Variants in DRD3 observed in about 807,000 individuals in gnomAD.
DRD3 encodes dopamine receptor D3.
In DRD3, 19 loss-of-function variants were observed where a neutral mutation model predicts 36.3. That is an observed-to-expected ratio of 0.52 (90% CI 0.36 to 0.77). The LOEUF (loss-of-function observed/expected upper bound fraction) is 0.77, where lower values mean the gene tolerates loss of function less well. Among genes scored for constraint, DRD3 ranks in the 30% least tolerant of loss-of-function variants. The pLI is 0.00. For missense variants in DRD3, 465 were observed against 505.3 expected (o/e 0.92, Z 0.77); for synonymous variants, 195 against 203.7 (o/e 0.96, Z 0.36).
intron 1 of DRD3, chr3:114,175,778 TG>T (rs1329935805): frequency 1.3e-5 from 2 of 152,238 alleles, no homozygotes; most frequent in Non-Finnish European, 2.9e-5. Context: ...TTTAGGTAGC[TG>T]TCAAACCTCT....
At position 114,128,656 on chromosome 3, in the gene DRD3, A is replaced by C. The variant is rs1379003267; in HGVS notation, c.*60T>G. 6.7e-7 allele frequency: 1 copy of C among 1,489,904 alleles called. No individual in the cohort carries two copies. The highest frequency in any genetic ancestry group is 2.3e-5 in the East Asian group (1 of 43,038). 92.3% of individuals were successfully genotyped at this position (1,489,904 alleles called of 1,614,324 possible). ...CGGAGGACACTGCACAGTCTTTCTG[A>C]GTGGGCCAACAGCCTGGCAGCTAGA... On this transcript the variant is annotated 3_prime_UTR_variant, in exon 7 of 7. Coordinates refer to ENST00000383673, the MANE Select transcript of DRD3 (RefSeq NM_000796.6).
At chr3:114,154,932 G>A (rs1226989530) in intron 3 of DRD3, among the ~76,000 whole-genome samples, 2 of 152,144 alleles carry the variant, frequency 1.3e-5, no homozygotes, top group Non-Finnish European at 2.9e-5. Flanking sequence ...CTTGTGCTCC[G>A]AGGACTTCCC....
chr3:114,139,480 A>T lies in DRD3; in HGVS notation c.723+20T>A. On this transcript the variant is annotated intron_variant, in intron 5 of 6. Coordinates refer to ENST00000383673, the MANE Select transcript of DRD3 (RefSeq NM_000796.6). ...GGAGATTGGGTGTTGTCTTCCCTCT[A>T]CCCCCTCCAGGGTACTTACTTGCTG... 1 of 1,606,180 alleles carries T rather than the reference A, an allele frequency of 6.2e-7. No individual in the cohort carries two copies. The highest frequency in any genetic ancestry group is 8.5e-7 in the Non-Finnish European group (1 of 1,175,678).
At chr3:114,132,749 A>T (rs2077442007) in intron 5 of DRD3, among the ~76,000 whole-genome samples, 1 of 152,058 alleles carries the variant, frequency 6.6e-6, no homozygotes, top group Non-Finnish European at 1.5e-5. Context: ...AGTGTGGGAA[A>T]CTCCACAAGA....
chr3:114,156,385 C>T (rs370924023), intron 3 of DRD3, among the ~76,000 whole-genome samples: 3 of 152,146 alleles, frequency 2.0e-5, no homozygotes, highest in African/African-American at 7.2e-5. Flanking sequence ...CAGCATCTTT[C>T]TCCTGGAATC....
chr3:114,158,679 T>A (rs1337897139), intron 3 of DRD3, among the ~76,000 whole-genome samples: 2 of 152,182 alleles, frequency 1.3e-5, no homozygotes, highest in East Asian at 3.9e-4. Flanking sequence ...CCTAAGATAA[T>A]ACATAAGATA....
chr3:114,194,016 A>C (rs1163201075), intron 1 of DRD3, among the ~76,000 whole-genome samples: 1 of 152,186 alleles, frequency 6.6e-6, no homozygotes, highest in Admixed American at 6.5e-5. Context: ...ATAAATTCAC[A>C]TCTGTCTGAT....
Position 114,178,709 on chromosome 3 carries a change from C to T in DRD3, c.-88G>A, listed in dbSNP as rs2077925211. The T allele has an allele frequency of 6.6e-6, 1 of 152,158 alleles. No homozygotes were observed. Among genetic ancestry groups the T allele is most frequent in the Non-Finnish European group, 1.5e-5 (1 of 68,016 alleles). The allele number at this position is 152,158 out of a possible 1,614,324, so 9.4% of individuals were successfully genotyped here. On this transcript the variant is annotated 5_prime_UTR_variant, in exon 1 of 7. Coordinates refer to ENST00000383673, the MANE Select transcript of DRD3 (RefSeq NM_000796.6). ...ACCGAGGAGTTTACCACTTCGGCTC[C>T]TGCAGCCATTTACTGACAGCAGACA... is the stretch of plus-strand genomic sequence containing the variant.
intron 5 of DRD3, among the ~76,000 whole-genome samples, chr3:114,133,598 T>C (rs1312940176): frequency 6.7e-4 from 3 of 4,488 alleles, no homozygotes; most frequent in African/African-American, 7.6e-4. Flanking sequence ...TAATTTAATA[T>C]CTCTGAGCTT....
chr3:114,149,479 C>T (rs530093672), intron 3 of DRD3, among the ~76,000 whole-genome samples: 79 of 152,188 alleles, frequency 5.2e-4, no homozygotes, highest in Non-Finnish European at 9.8e-4. Context: ...TCCCCATCTC[C>T]CCACCTGAAA....
At chr3:114,173,586 C>T (rs1196458473) in intron 1 of DRD3, among the ~76,000 whole-genome samples, 1 of 152,112 alleles carries the variant, frequency 6.6e-6, no homozygotes, top group Non-Finnish European at 1.5e-5. Context: ...TTCTATGTAG[C>T]CTGAGGTTGG....
At chr3:114,156,766 T>TC (rs1491337905) in intron 3 of DRD3, among the ~76,000 whole-genome samples, 1 of 109,474 alleles carries the variant, frequency 9.1e-6, no homozygotes, top group East Asian at 2.8e-4. Flanking sequence ...TTTCTTTCTT[T>TC]CTTTCTTTCT....
intron 1 of DRD3, among the ~76,000 whole-genome samples, chr3:114,173,492 T>C (rs1164469608): frequency 6.6e-6 from 1 of 152,146 alleles, no homozygotes; most frequent in African/African-American, 2.4e-5. Context: ...TCTAAATCTC[T>C]CACTCTGACG....
At chr3:114,130,655 C>T (rs551277624) in intron 6 of DRD3, among the ~76,000 whole-genome samples, 35 of 152,248 alleles carry the variant, frequency 2.3e-4, no homozygotes, top group Non-Finnish European at 5.0e-4. Flanking sequence ...GATCTCCTGA[C>T]CTCGTGATCT....
At chr3:114,143,618 TG>T (rs934033698) in intron 4 of DRD3, among the ~76,000 whole-genome samples, 3 of 152,224 alleles carry the variant, frequency 2.0e-5, no homozygotes, top group African/African-American at 7.2e-5. Flanking sequence ...GATTTTAGGA[TG>T]GGCCTGTTAT....
In DRD3 at chr3:114,171,787, A is replaced by G; in HGVS notation, c.206T>C (p.Val69Ala). ...CAGCAAGTCTGCCACAGCCAGGCTCACTACTAAGTAGTTGGTGGTAGTCTG... is the reference window on the plus strand; with the variant it reads ...CAGCAAGTCTGCCACAGCCAGGCTCGCTACTAAGTAGTTGGTGGTAGTCTG... Reference protein sequence around the residue: ...ALQTTTNYLVVSLAVADLLVA... With the variant: ...ALQTTTNYLVASLAVADLLVA... The change falls in exon 2 of 7, where the codon GTG becomes GCG. Residue 69 changes from valine to alanine, a missense_variant. Physicochemically the swap from Val to Ala is moderately conservative, Grantham distance 64 (BLOSUM62 0). Coordinates refer to ENST00000383673, the MANE Select transcript of DRD3 (RefSeq NM_000796.6). 1.9e-6 allele frequency: 3 copies of G among 1,613,590 alleles called. No individual in the cohort carries two copies. Among genetic ancestry groups the G allele is most frequent in the East Asian group, 4.5e-5 (2 of 44,840 alleles).
At chr3:114,139,073 C>T (rs1347307990) in intron 5 of DRD3, among the ~76,000 whole-genome samples, 3 of 152,166 alleles carry the variant, frequency 2.0e-5, no homozygotes, top group African/African-American at 7.2e-5. Flanking sequence ...ACGGACAGAT[C>T]CAGTAAGGAA....
intron 3 of DRD3, among the ~76,000 whole-genome samples, chr3:114,151,756 T>G (rs1370799952): frequency 6.6e-6 from 1 of 152,182 alleles, no homozygotes; most frequent in Non-Finnish European, 1.5e-5. Context: ...TGCAGCAAAT[T>G]GTGGCAGAGC....
intron 2 of DRD3, among the ~76,000 whole-genome samples, chr3:114,166,917 G>A (rs920199506): frequency 1.5e-4 from 23 of 152,082 alleles, no homozygotes; most frequent in Admixed American, 1.5e-3. Context: ...GTTTGGTGAC[G>A]AGATCGTGAG....
Sources: gnomAD v4.1 joint callset for allele counts (sites outside exome capture counted in the v4.1 genomes callset) on GRCh38, gnomAD v4.1.1 for gene constraint, MANE v1.5 for transcripts, NCBI Gene and HGNC (gene_info 2026-07-23, HGNC 2026-07-21) for gene names.